Variants in RBM47 observed in about 807,000 individuals in gnomAD.
The protein encoded by RBM47 is RNA binding motif protein 47, also known as RNA-binding protein 47.
A neutral mutation model predicts 47.1 loss-of-function variants in RBM47; 21 were observed. That is an observed-to-expected ratio of 0.45 (90% CI 0.32 to 0.64). The LOEUF is 0.64. Ranked by LOEUF, RBM47 falls within the 30% of genes least tolerant of loss-of-function variation. The pLI, the probability that RBM47 is intolerant of heterozygous loss-of-function variation, is 0.05. For missense variants in RBM47, 708 were observed against 870.9 expected (o/e 0.81, Z 2.35); for synonymous variants, 375 against 361.7 (o/e 1.04, Z -0.42).
chr4:40,623,377 T>C (rs1315027296), intron 1 of RBM47, among the ~76,000 whole-genome samples: 1 of 152,256 alleles, frequency 6.6e-6, no homozygotes, highest in Non-Finnish European at 1.5e-5. Context: ...TTCAGCCACC[T>C]GTCCTTCCTC....
intron 2 of RBM47, among the ~76,000 whole-genome samples, chr4:40,504,228 G>A (rs147102566): frequency 6.6e-6 from 1 of 151,712 alleles, no homozygotes; most frequent in Non-Finnish European, 1.5e-5. Flanking sequence ...TGGCCACCAG[G>A]CATGTATGAA....
At position 40,516,883 on chromosome 4, in the gene RBM47, C is replaced by T. The variant is rs538501333; in HGVS notation, c.-155+27539G>A. 1.3e-4 allele frequency among the ~76,000 whole-genome samples: 20 copies of T among 152,298 alleles called. No homozygotes were observed. The East Asian group carries it at 2.9e-3, about 22-fold the overall frequency. ...CCTCATCTTCCTTCCTCCCTCAGCACGGGCCAGCCCCTTATTCTAATGTTA... is the reference window on the plus strand; with the variant it reads ...CCTCATCTTCCTTCCTCCCTCAGCATGGGCCAGCCCCTTATTCTAATGTTA... On this transcript the variant is annotated intron_variant, in intron 2 of 6. Coordinates refer to ENST00000295971, the MANE Select transcript of RBM47 (RefSeq NM_001098634.2).
chr4:40,580,273 T>C (rs1217339176), intron 1 of RBM47, among the ~76,000 whole-genome samples: 1 of 152,142 alleles, frequency 6.6e-6, no homozygotes, highest in Non-Finnish European at 1.5e-5. Flanking sequence ...GCTTGAATCC[T>C]TTCCACTGTC....
At chr4:40,453,857 A>C (rs1212831951) in intron 3 of RBM47, among the ~76,000 whole-genome samples, 1 of 150,960 alleles carries the variant, frequency 6.6e-6, no homozygotes, top group Non-Finnish European at 1.5e-5. Flanking sequence ...TTTTAAAAAA[A>C]GAAAGAAATA....
intron 1 of RBM47, among the ~76,000 whole-genome samples, chr4:40,615,305 T>G (rs1295718174): frequency 6.6e-6 from 1 of 150,948 alleles, no homozygotes; most frequent in Non-Finnish European, 1.5e-5. Context: ...TGGCCAGGCA[T>G]GAGGGTGTGC....
intron 1 of RBM47, among the ~76,000 whole-genome samples, chr4:40,564,225 G>T (rs1413264122): frequency 5.3e-5 from 8 of 152,180 alleles, no homozygotes; most frequent in African/African-American, 9.7e-5. Flanking sequence ...GATGTGACGT[G>T]GTCCTGCCCA....
chr4:40,488,448 C>T (rs4861170), intron 2 of RBM47, among the ~76,000 whole-genome samples: 70,987 of 151,892 alleles, frequency 0.47, 18,033 homozygotes, highest in South Asian at 0.65. Flanking sequence ...CCCAAGCATG[C>T]CTCAAATTTG....
chr4:40,525,137 T>C (rs929327351), intron 2 of RBM47, among the ~76,000 whole-genome samples: 18 of 152,238 alleles, frequency 1.2e-4, no homozygotes, highest in African/African-American at 4.3e-4. Context: ...TATAATGAAA[T>C]GTAGAAAGTG....
intron 1 of RBM47, among the ~76,000 whole-genome samples, chr4:40,615,084 C>A (rs922129670): frequency 6.6e-6 from 1 of 152,010 alleles, no homozygotes; most frequent in Non-Finnish European, 1.5e-5. Context: ...TATGATCACA[C>A]CACTGAACTC....
intron 3 of RBM47, among the ~76,000 whole-genome samples, chr4:40,454,648 G>A (rs566243235): frequency 6.6e-6 from 1 of 152,122 alleles, no homozygotes; most frequent in South Asian, 2.1e-4. Flanking sequence ...GACAAGTGCC[G>A]CCATGCCCGG....
chr4:40,566,406 G>A (rs1027323068), intron 1 of RBM47, among the ~76,000 whole-genome samples: 1 of 152,146 alleles, frequency 6.6e-6, no homozygotes, highest in African/African-American at 2.4e-5. Flanking sequence ...CAGCACTTTG[G>A]GAGGCTGAGG....
intron 1 of RBM47, among the ~76,000 whole-genome samples, chr4:40,627,776 G>A (rs1737877272): frequency 1.3e-5 from 2 of 152,146 alleles, no homozygotes; most frequent in Non-Finnish European, 2.9e-5. Flanking sequence ...CTTGCTTTCT[G>A]TCTTTATTTC....
chr4:40,611,516 G>A (rs1276917943), intron 1 of RBM47, among the ~76,000 whole-genome samples: 1 of 151,928 alleles, frequency 6.6e-6, no homozygotes, highest in African/African-American at 2.4e-5. Context: ...GATCACCTGA[G>A]GTCAGTAGTT....
At chr4:40,484,097 G>C (rs1720776990) in intron 2 of RBM47, among the ~76,000 whole-genome samples, 1 of 152,158 alleles carries the variant, frequency 6.6e-6, no homozygotes, top group South Asian at 2.1e-4. Flanking sequence ...CAATATGTGA[G>C]CTTAAGAAAA....
chr4:40,489,474 G>C (rs1721566039), intron 2 of RBM47, among the ~76,000 whole-genome samples: 1 of 152,054 alleles, frequency 6.6e-6, no homozygotes. Flanking sequence ...ACTAAACTCA[G>C]GGATAAGAGA....
intron 1 of RBM47, among the ~76,000 whole-genome samples, chr4:40,548,420 A>C (rs905525180): frequency 2.0e-5 from 3 of 152,206 alleles, no homozygotes; most frequent in Non-Finnish European, 4.4e-5. Context: ...CCATCGGAGA[A>C]TTTTAATCAG....
rs436166 is a variant in RBM47 at position 40,432,723 on chromosome 4, A to T, written c.1470T>A (p.Ala490=). 2 of 1,611,766 alleles carry T rather than the reference A, an allele frequency of 1.2e-6. No individual in the cohort carries two copies. The highest frequency in any genetic ancestry group is 1.3e-5 in the African/African-American group (1 of 74,926). The part of the protein sequence containing the change: ...IAVQPDPASA[A]AAAAAAAAAA... ...CGGCTGCGGCCGCGGCTGCGGCGGC[A>T]GCAGCACTGGCTGGGTCTGGCTGCA... is the stretch of plus-strand genomic sequence containing the variant. Residue 490 remains alanine (A), a synonymous_variant, in exon 6 of 7, where the codon GCT becomes GCA. Coordinates refer to ENST00000295971, the MANE Select transcript of RBM47 (RefSeq NM_001098634.2).
rs1275342603 is a variant in RBM47, at chr4:40,424,360, C to A, written c.*1544G>T. On this transcript the variant is annotated 3_prime_UTR_variant, in exon 7 of 7. Transcript: ENST00000295971. The stretch of plus-strand genomic sequence containing the variant: ...ATATTTTTTTTTAAAAAGTAGATGA[C>A]AATCTTAACATTTTACTGTATTTTA... 1 of 152,520 alleles carries A rather than the reference C, an allele frequency of 6.6e-6. No individual in the cohort carries two copies. Among genetic ancestry groups the A allele is most frequent in the Admixed American group, 6.5e-5 (1 of 15,270 alleles). The allele number at this position is 152,520 out of a possible 1,614,324, so 9.4% of individuals were successfully genotyped here.
intron 1 of RBM47, among the ~76,000 whole-genome samples, chr4:40,581,841 T>G (rs1221931139): frequency 1.3e-5 from 2 of 150,858 alleles, no homozygotes; most frequent in African/African-American, 4.9e-5. Flanking sequence ...CCCAGCTGTC[T>G]CCTGAACGCC....
Sources: allele counts gnomAD v4.1 joint callset (sites outside exome capture counted in the v4.1 genomes callset), GRCh38; gene constraint gnomAD v4.1.1; transcripts MANE v1.5; gene names NCBI Gene and HGNC (gene_info 2026-07-23, HGNC 2026-07-21).